PCDH7: variants seen among roughly 807,000 people sequenced by gnomAD.
PCDH7 encodes the protein protocadherin-7.
Under a neutral mutation model 58.9 loss-of-function variants are expected in PCDH7, and 17 were observed. The ratio of observed to expected loss-of-function variants is 0.29; its 90% CI spans 0.20 to 0.43. The LOEUF is 0.43. Among genes scored for constraint, PCDH7 ranks in the 20% least tolerant of loss-of-function variants. The pLI, the probability that PCDH7 is intolerant of heterozygous loss-of-function variation, is 1.00. For missense variants in PCDH7, 1,274 were observed against 1,441.0 expected (o/e 0.88, Z 1.88); for synonymous variants, 664 against 616.4 (o/e 1.08, Z -1.14).
chr4:30,972,521 G>C (rs928543293), intron 3 of PCDH7, among the ~76,000 whole-genome samples: 1 of 152,076 alleles, frequency 6.6e-6, no homozygotes, highest in African/African-American at 2.4e-5. Context: ...TCAATTTCTG[G>C]TCCAGGTACA....
intron 3 of PCDH7, among the ~76,000 whole-genome samples, chr4:30,992,821 C>T (rs780065154): frequency 3.1e-4 from 30 of 95,758 alleles, no homozygotes; most frequent in South Asian, 6.7e-4. Flanking sequence ...TTTTTTTTGA[C>T]GGAGTCTTGC....
intron 3 of PCDH7, among the ~76,000 whole-genome samples, chr4:31,075,066 CT>C (rs1560624175): frequency 6.6e-6 from 1 of 151,990 alleles, no homozygotes. Context: ...GGACCTCACC[CT>C]TTTTTTACAA....
intron 2 of PCDH7, among the ~76,000 whole-genome samples, chr4:30,929,695 T>G (rs1744322859): frequency 6.6e-6 from 1 of 152,168 alleles, no homozygotes; most frequent in Non-Finnish European, 1.5e-5. Flanking sequence ...TGAAAATATA[T>G]CTCCCATGGT....
rs867198599 is a variant in PCDH7 at position 31,091,324 on chromosome 4, T to C, written c.*8-51149T>C. ...ATATACTTCTTACCTGTAAAAGATA[T>C]TAAAATAGCTACATGACATATATAT... On this transcript the variant is annotated intron_variant, in intron 3 of 3. Transcript: ENST00000509759. Among the ~76,000 whole-genome samples, 3 of 152,070 alleles carry C rather than the reference T, an allele frequency of 2.0e-5. No individual in the cohort carries two copies. The Middle Eastern group carries it at 0.01, about 517-fold the overall frequency.
chr4:30,861,925 G>A (rs1022839128), intron 1 of PCDH7, among the ~76,000 whole-genome samples: 8 of 152,010 alleles, frequency 5.3e-5, no homozygotes, highest in Non-Finnish European at 1.2e-4. Context: ...GCCCTCATTA[G>A]TTTCAAATTA....
chr4:30,884,197 C>T (rs1737374337), intron 1 of PCDH7, among the ~76,000 whole-genome samples: 4 of 152,112 alleles, frequency 2.6e-5, no homozygotes, highest in South Asian at 2.1e-4. Context: ...ACACTGTACA[C>T]ACCATTTTTG....
chr4:31,113,056 G>A (rs1716521562), intron 3 of PCDH7, among the ~76,000 whole-genome samples: 1 of 151,806 alleles, frequency 6.6e-6, no homozygotes, highest in African/African-American at 2.4e-5. Flanking sequence ...TTTTAAGCAA[G>A]CAGGTCTAAC....
At chr4:31,019,553 G>A (rs758796551) in intron 3 of PCDH7, among the ~76,000 whole-genome samples, 4 of 151,918 alleles carry the variant, frequency 2.6e-5, no homozygotes, top group Non-Finnish European at 4.4e-5. Flanking sequence ...AAAATTATCC[G>A]GGTGTGGTGG....
chr4:31,129,275 C>A (rs1718678253), intron 3 of PCDH7, among the ~76,000 whole-genome samples: 1 of 152,116 alleles, frequency 6.6e-6, no homozygotes, highest in African/African-American at 2.4e-5. Context: ...ACCAAACTGG[C>A]AATGAGGAAT....
intron 3 of PCDH7, among the ~76,000 whole-genome samples, chr4:31,050,264 AT>A (rs1006654314): frequency 2.0e-5 from 3 of 152,150 alleles, no homozygotes; most frequent in Non-Finnish European, 2.9e-5. Context: ...ACTTATAAAA[AT>A]ATCCTGATTT....
intron 1 of PCDH7, among the ~76,000 whole-genome samples, chr4:30,915,140 C>A (rs998227930): frequency 1.3e-5 from 2 of 152,154 alleles, no homozygotes; most frequent in Admixed American, 6.5e-5. Context: ...AGCAAAACTT[C>A]TTCAGTGCCA....
In PCDH7 at chr4:30,842,545, C is replaced by T. The variant is rs75273757; in HGVS notation, c.71-77608C>T. Among the ~76,000 whole-genome samples, 835 of 152,166 alleles carry T rather than the reference C, an allele frequency of 5.5e-3. 29 individuals carry two copies. In the East Asian group the frequency reaches 0.1, roughly 18 times the overall value. On this transcript the variant is annotated intron_variant, in intron 1 of 3. Coordinates refer to the PCDH7 transcript ENST00000509759. Reference sequence around the variant, plus strand: ...ATATCCCCAGAACATATAGGTATCTCAATAAATACTGTATTCAGTGAGTGG... The same window carrying T: ...ATATCCCCAGAACATATAGGTATCTTAATAAATACTGTATTCAGTGAGTGG...
chr4:30,722,354 G>T lies in PCDH7; in HGVS notation c.932G>T (p.Ser311Ile). The T allele has an allele frequency of 6.2e-7, 1 of 1,612,312 alleles. No individual in the cohort carries two copies. Reference sequence around the variant, plus strand: ...GACAACAGCCCCCGCTTCGAGAAGAGCGTGTACGAGGCCGACTTGGCTGAG... The same window carrying T: ...GACAACAGCCCCCGCTTCGAGAAGATCGTGTACGAGGCCGACTTGGCTGAG... The change falls in exon 1 of 2, where the codon AGC becomes ATC. Residue 311 changes from serine (S) to isoleucine (I), a missense_variant. Around this residue, in one of 3 missense-constraint regions of PCDH7, gnomAD observed 331 missense variants for 303.2 expected, o/e 1.09. Transcript: ENST00000361762. This position sits in a 1 kb window ranked among gnomAD's most constrained non-coding sequence, Gnocchi z 7.6.
At chr4:30,936,628 T>G (rs1383844729) in intron 2 of PCDH7, among the ~76,000 whole-genome samples, 1 of 141,156 alleles carries the variant, frequency 7.1e-6, no homozygotes, top group Non-Finnish European at 1.6e-5. Flanking sequence ...TAAACCACAA[T>G]GCATTTTTTT....
chr4:30,866,504 G>A (rs529899150), intron 1 of PCDH7, among the ~76,000 whole-genome samples: 17 of 152,042 alleles, frequency 1.1e-4, no homozygotes, highest in South Asian at 2.1e-4. Flanking sequence ...TTTAATAGAG[G>A]CATTTTTGGG....
chr4:30,888,130 T>A (rs1738094240), intron 1 of PCDH7, among the ~76,000 whole-genome samples: 1 of 152,118 alleles, frequency 6.6e-6, no homozygotes, highest in Non-Finnish European at 1.5e-5. Context: ...CACCTCTGCC[T>A]CCCAAAGTTC....
intron 1 of PCDH7, among the ~76,000 whole-genome samples, chr4:30,726,492 G>C (rs1360874710): frequency 6.6e-6 from 1 of 151,968 alleles, no homozygotes; most frequent in Non-Finnish European, 1.5e-5. Context: ...GATGAGGTTA[G>C]CTCTATATGC....
At chr4:30,753,152 C>T (rs1247197465) in intron 1 of PCDH7, among the ~76,000 whole-genome samples, 2 of 152,048 alleles carry the variant, frequency 1.3e-5, no homozygotes, top group South Asian at 2.1e-4. Flanking sequence ...CCCTTTAAGT[C>T]GTTATAAACA....
At chr4:31,049,518 G>A (rs760084640) in intron 3 of PCDH7, among the ~76,000 whole-genome samples, 1 of 152,094 alleles carries the variant, frequency 6.6e-6, no homozygotes, top group Non-Finnish European at 1.5e-5. Context: ...AACAGGGATA[G>A]GGCTTAAATC....
Sources: gnomAD v4.1 joint callset for allele counts (sites outside exome capture counted in the v4.1 genomes callset) on GRCh38, gnomAD v4.1.1 for gene constraint, gnomAD v4.1.1 regional missense constraint, Gnocchi (gnomAD v3.1) non-coding constraint, MANE v1.5 for transcripts, NCBI Gene and HGNC (gene_info 2026-07-23, HGNC 2026-07-21) for gene names.